The following MYO5B variants were observed in gnomAD, a reference collection of about 807,000 sequenced individuals.
The protein encoded by MYO5B is unconventional myosin-Vb.
In MYO5B, 143 loss-of-function variants were observed where a neutral mutation model predicts 229.3. That is an observed-to-expected ratio of 0.62 (90% CI 0.54 to 0.72). MYO5B has a LOEUF of 0.72. Ranked by LOEUF, MYO5B falls within the 30% of genes least tolerant of loss-of-function variation. The pLI is 0.00. For synonymous variants in MYO5B, 918 were observed against 885.2 expected, an observed-to-expected ratio of 1.04 and a Z score of -0.66; for missense variants, 2,321 against 2,331.0, an observed-to-expected ratio of 1.00 and a Z score of 0.09.
chr18:50,125,266 G>T (rs897508306), intron 1 of MYO5B, among the ~76,000 whole-genome samples: 1 of 151,452 alleles, frequency 6.6e-6, no homozygotes, highest in Non-Finnish European at 1.5e-5. Flanking sequence ...GCAAACTGTC[G>T]CAAGGAAAGA....
chr18:50,149,699 G>A (rs1451031542), intron 1 of MYO5B, among the ~76,000 whole-genome samples: 2 of 151,912 alleles, frequency 1.3e-5, no homozygotes, highest in Non-Finnish European at 2.9e-5. Flanking sequence ...ATGGATTAAA[G>A]ACTTACATGT....
At chr18:49,847,013 G>T in intron 33 of MYO5B, 133 bp downstream of exon 33, 3 of 1,157,892 alleles carry the variant, frequency 2.6e-6, no homozygotes, top group Non-Finnish European at 3.8e-6. Flanking sequence ...CAGGTGCAAG[G>T]GCAAGTAGGA....
chr18:50,032,101 A>T (rs1408387675), intron 4 of MYO5B, among the ~76,000 whole-genome samples: 3 of 152,210 alleles, frequency 2.0e-5, no homozygotes, highest in Non-Finnish European at 2.9e-5. Context: ...TTCTAACTTT[A>T]CAGCCCAGAA....
intron 1 of MYO5B, among the ~76,000 whole-genome samples, chr18:50,125,960 G>C (rs2032155597): frequency 6.6e-6 from 1 of 152,180 alleles, no homozygotes; most frequent in African/African-American, 2.4e-5. Context: ...CAAATCCATA[G>C]AGACAGAAAG....
At chr18:49,903,056 C>A (rs1429246173) in intron 20 of MYO5B, among the ~76,000 whole-genome samples, 1 of 152,192 alleles carries the variant, frequency 6.6e-6, no homozygotes, top group East Asian at 1.9e-4. Context: ...CTGTCAAACT[C>A]TTTTCAGCTT....
chr18:49,860,475 T>A (rs1235396808), intron 29 of MYO5B, among the ~76,000 whole-genome samples: 1 of 152,178 alleles, frequency 6.6e-6, no homozygotes, highest in East Asian at 1.9e-4. Context: ...AGGAGAAAGC[T>A]TTGTGGAAGC....
At chr18:49,847,077 T>C (rs1456743852) in intron 33 of MYO5B, 69 bp downstream of exon 33, 2 of 1,525,186 alleles carry the variant, frequency 1.3e-6, no homozygotes, top group Non-Finnish European at 1.8e-6. Flanking sequence ...GGGGTTGTGC[T>C]GGGGATGGAG....
At chr18:49,968,174 G>A (rs2025647993) in intron 10 of MYO5B, among the ~76,000 whole-genome samples, 1 of 152,194 alleles carries the variant, frequency 6.6e-6, no homozygotes, top group South Asian at 2.1e-4. Flanking sequence ...GAAATTGTAT[G>A]TGTTGTAGGC....
intron 22 of MYO5B, among the ~76,000 whole-genome samples, chr18:49,889,652 C>G (rs1295444736): frequency 6.6e-6 from 1 of 152,186 alleles, no homozygotes. Context: ...CTGAGAAGAC[C>G]AAGACCCCTC....
chr18:50,038,877 A>G (rs1261236044), intron 3 of MYO5B, among the ~76,000 whole-genome samples: 2 of 152,334 alleles, frequency 1.3e-5, no homozygotes, highest in Non-Finnish European at 1.5e-5. Flanking sequence ...GGCTCTGATA[A>G]TTGACAGTTT....
At chr18:49,914,256 C>T (rs72928083) in intron 17 of MYO5B, among the ~76,000 whole-genome samples, 1 of 152,302 alleles carries the variant, frequency 6.6e-6, no homozygotes, top group Non-Finnish European at 1.5e-5. Flanking sequence ...CCTGCACCTG[C>T]CCTTCTGCCT....
chr18:50,145,162 C>A (rs1311219503), intron 1 of MYO5B, among the ~76,000 whole-genome samples: 2 of 152,092 alleles, frequency 1.3e-5, no homozygotes, highest in Non-Finnish European at 2.9e-5. Context: ...TCCAAAGTGA[C>A]CTACTTCTGG....
intron 10 of MYO5B, among the ~76,000 whole-genome samples, chr18:49,968,616 T>C (rs1289651221): frequency 6.6e-6 from 1 of 152,168 alleles, no homozygotes; most frequent in African/African-American, 2.4e-5. Flanking sequence ...TCTAGAGGCC[T>C]GGGGAGTTTC....
intron 14 of MYO5B, among the ~76,000 whole-genome samples, chr18:49,949,277 T>C (rs2025407356): frequency 1.3e-5 from 2 of 152,180 alleles, no homozygotes; most frequent in Admixed American, 6.5e-5. Context: ...AGTTTTCTTT[T>C]TCTCCTGGTT....
At chr18:50,051,055 A>G (rs1440069397) in intron 2 of MYO5B, among the ~76,000 whole-genome samples, 2 of 152,260 alleles carry the variant, frequency 1.3e-5, no homozygotes, top group Non-Finnish European at 2.9e-5. Context: ...ATGTGCAGGT[A>G]TAACATGCCC....
intron 4 of MYO5B, among the ~76,000 whole-genome samples, chr18:50,035,279 G>T (rs2026436150): frequency 6.6e-6 from 1 of 152,240 alleles, no homozygotes; most frequent in Non-Finnish European, 1.5e-5. Flanking sequence ...ATGGCCAAGA[G>T]AATGGGATGA....
At chr18:49,859,645 T>C (rs1335198917) in intron 29 of MYO5B, among the ~76,000 whole-genome samples, 2 of 152,230 alleles carry the variant, frequency 1.3e-5, no homozygotes, top group East Asian at 1.9e-4. Flanking sequence ...GGTGAACAGT[T>C]TGTGGATTAA....
intron 4 of MYO5B, among the ~76,000 whole-genome samples, chr18:50,019,277 A>C (rs2026249786): frequency 6.6e-6 from 1 of 152,220 alleles, no homozygotes; most frequent in African/African-American, 2.4e-5. Flanking sequence ...TGCAGTTTTT[A>C]TGAGATGGGT....
rs2024761093 is a variant in MYO5B at position 49,894,976 on chromosome 18, C to T, written c.3010G>A (p.Asp1004Asn). 1 of 1,613,524 alleles carries T rather than the reference C, an allele frequency of 6.2e-7. No homozygotes were observed. The highest frequency in any genetic ancestry group is 1.1e-5 in the South Asian group (1 of 91,084). Reference protein sequence around the residue: ...RAHSERKILEDAHSREKDELR... With the variant: ...RAHSERKILENAHSREKDELR... ...TCATCTTTCTCCCTGCTGTGGGCGTCCTCCAAGATCTTGCGCTCCGAGTGG... is the reference window on the plus strand; with the variant it reads ...TCATCTTTCTCCCTGCTGTGGGCGTTCTCCAAGATCTTGCGCTCCGAGTGG... Residue 1004 changes from aspartate to asparagine, a missense_variant, in exon 22 of 40, where the codon GAC becomes AAC. Asp to Asn is a conservative substitution (Grantham distance 23, BLOSUM62 1). Around this residue, in one of 2 missense-constraint regions of MYO5B, gnomAD observed 2,113 missense variants for 2,044.7 expected, o/e 1.03. Transcript: ENST00000285039.
Sources: allele counts gnomAD v4.1 joint callset (sites outside exome capture counted in the v4.1 genomes callset), GRCh38; gene constraint gnomAD v4.1.1; regional missense constraint gnomAD v4.1.1; transcripts MANE v1.5; gene names NCBI Gene and HGNC (gene_info 2026-07-23, HGNC 2026-07-21).